LYZL2: variants seen among roughly 807,000 people sequenced by gnomAD.
LYZL2 encodes lysozyme like 2.
In LYZL2, 13 loss-of-function variants were observed where a neutral mutation model predicts 17.1. The ratio of observed to expected loss-of-function variants is 0.76; its 90% CI spans 0.49 to 1.21. LYZL2 has a LOEUF of 1.21. LYZL2 is among the 50% of genes most tolerant of loss of function. The probability of loss-of-function intolerance (pLI) is 0.00; values close to 1 mark genes in which losing one functional copy is unlikely to be tolerated. For missense variants in LYZL2, 166 were observed against 189.2 expected, an observed-to-expected ratio of 0.88 and a Z score of 0.72; for synonymous variants, 63 against 74.4, an observed-to-expected ratio of 0.85 and a Z score of 0.79.
chr10:30,606,848 T>C (rs1242650538), downstream of LYZL2, among the ~76,000 whole-genome samples: 2 of 152,052 alleles, frequency 1.3e-5, no homozygotes, highest in Non-Finnish European at 2.9e-5. Flanking sequence ...TGAAATGTTT[T>C]CTGTTAGTAC....
rs1258901420 is a variant in LYZL2 at position 30,629,683 on chromosome 10, C to A, written c.-116G>T. ...ACTGCTCCACTTAGTCGGTGACAGG[C>A]AGCTCAGGGGAGCGTCCTGCATCCC... On this transcript the variant is annotated 5_prime_UTR_variant, in exon 1 of 5. Transcript: ENST00000647634. The A allele has an allele frequency of 1.9e-6, 3 of 1,613,856 alleles. No individual in the cohort carries two copies. The highest frequency in any genetic ancestry group is 2.5e-6 in the Non-Finnish European group (3 of 1,179,772).
intron 2 of LYZL2, 125 bp from the exon 3 acceptor site, chr10:30,626,388 G>A (rs949499367): frequency 2.7e-6 from 4 of 1,455,022 alleles, no homozygotes; most frequent in African/African-American, 2.8e-5. Context: ...CTTGGGCAGG[G>A]CAGGGCGGGC....
At chr10:30,625,645 C>T (rs183625692) in intron 3 of LYZL2, among the ~76,000 whole-genome samples, 117 of 152,284 alleles carry the variant, frequency 7.7e-4, no homozygotes, top group African/African-American at 2.4e-3. Flanking sequence ...GAACGCACCA[C>T]TACACTCCAG....
intron 1 of LYZL2, among the ~76,000 whole-genome samples, chr10:30,628,538 T>C (rs1354851062): frequency 1.3e-5 from 2 of 152,356 alleles, no homozygotes; most frequent in Admixed American, 1.3e-4. Context: ...TAAAATAATG[T>C]CTTCCCCAAA....
chr10:30,611,570 G>GAAAGAAAGAAA (rs1554784962), downstream of LYZL2, among the ~76,000 whole-genome samples: 192 of 54,080 alleles, frequency 3.6e-3, 2 homozygotes, highest in East Asian at 7.5e-3. Flanking sequence ...AAGGAAGGAA[G>GAAAGAAAGAAA]GAAAGAAAGA....
chr10:30,626,406 CA>C, intron 2 of LYZL2, 143 bp from the exon 3 acceptor site: 1 of 1,364,756 alleles, frequency 7.3e-7, no homozygotes, highest in Non-Finnish European at 9.8e-7. Flanking sequence ...GGCATGTGCC[CA>C]GGGGGCACAC....
At position 30,628,107 on chromosome 10, in the gene LYZL2, C is replaced by T. The variant is rs950552980; in HGVS notation, c.-25-1167G>A. Among the ~76,000 whole-genome samples, 72 of 151,908 alleles carry T rather than the reference C, an allele frequency of 4.7e-4. 1 individual carries two copies. Among genetic ancestry groups the T allele is most frequent in the African/African-American group, 1.4e-3 (60 of 41,424 alleles). Reference sequence around the variant, plus strand: ...CCCAGGAGGCTGAGCTTGCAGTGAGCGGAGATTGCGCCACTGCACTCCAGC... The same window carrying T: ...CCCAGGAGGCTGAGCTTGCAGTGAGTGGAGATTGCGCCACTGCACTCCAGC... On this transcript the variant is annotated intron_variant, in intron 1 of 4. Coordinates refer to ENST00000647634, the MANE Select transcript of LYZL2 (RefSeq NM_183058.3).
chr10:30,622,101 C>A (rs68032173), intron 3 of LYZL2, among the ~76,000 whole-genome samples: 14,714 of 151,414 alleles, frequency 0.097, 920 homozygotes, highest in African/African-American at 0.17. Context: ...ACAGTAACAA[C>A]TAAAAACAAA....
downstream of LYZL2, among the ~76,000 whole-genome samples, chr10:30,611,045 G>A (rs1156636992): frequency 2.0e-5 from 3 of 152,058 alleles, no homozygotes; most frequent in Non-Finnish European, 4.4e-5. Context: ...CCTTCTGCAT[G>A]TGTCCTGTTT....
downstream of LYZL2, among the ~76,000 whole-genome samples, chr10:30,610,044 C>T (rs924834629): frequency 4.6e-5 from 7 of 152,006 alleles, no homozygotes; most frequent in African/African-American, 9.7e-5. Flanking sequence ...CTTTTGACTT[C>T]CCTGGGCCAC....
Position 30,624,309 on chromosome 10 carries a change from G to A in LYZL2, c.298+1796C>T, listed in dbSNP as rs548070925. Among the ~76,000 whole-genome samples the A allele has an allele frequency of 1.5e-4, 23 of 152,290 alleles. 1 individual carries two copies. In the South Asian group the frequency reaches 3.7e-3, roughly 25 times the overall value. ...GGACAGAAGAAGGACACTGAGGTTG[G>A]CATATACATATAATATCTTCCAGCT... On this transcript the variant is annotated intron_variant, in intron 3 of 4. Coordinates refer to ENST00000647634, the MANE Select transcript of LYZL2 (RefSeq NM_183058.3).
At chr10:30,608,451 G>A (rs957158395), downstream of LYZL2, among the ~76,000 whole-genome samples, 2 of 152,178 alleles carry the variant, frequency 1.3e-5, no homozygotes, top group East Asian at 1.9e-4. Flanking sequence ...TTCAGGGGCT[G>A]GCTTAGGGTT....
chr10:30,606,782 G>C (rs1838381639), downstream of LYZL2, among the ~76,000 whole-genome samples: 1 of 152,130 alleles, frequency 6.6e-6, no homozygotes, highest in Non-Finnish European at 1.5e-5. Flanking sequence ...ACCAGGGACA[G>C]AGGACCTGGA....
At chr10:30,626,701 G>A in intron 2 of LYZL2, 76 bp downstream of exon 2, 1 of 1,587,572 alleles carries the variant, frequency 6.3e-7, no homozygotes, top group Non-Finnish European at 8.6e-7. Flanking sequence ...GACACAGCAG[G>A]GAGTGTAGCC....
downstream of LYZL2, among the ~76,000 whole-genome samples, chr10:30,609,922 T>C (rs1268687226): frequency 1.3e-5 from 2 of 152,188 alleles, no homozygotes; most frequent in East Asian, 1.9e-4. Context: ...AGAAATTTTA[T>C]GAGTTTTGCA....
chr10:30,626,665 G>C (rs1838712072), intron 2 of LYZL2, 112 bp downstream of exon 2: 13 of 1,522,682 alleles, frequency 8.5e-6, no homozygotes, highest in Non-Finnish European at 1.2e-5. Flanking sequence ...TGGGTGTGGT[G>C]AGGGCAGAGC....
At chr10:30,622,646 C>G (rs553727037) in intron 3 of LYZL2, among the ~76,000 whole-genome samples, 1 of 152,286 alleles carries the variant, frequency 6.6e-6, no homozygotes, top group Admixed American at 6.5e-5. Context: ...AACCCACAGG[C>G]CAATCTCCCG....
At chr10:30,613,399 AG>A (rs1389188089) in intron 3 of LYZL2, among the ~76,000 whole-genome samples, 1 of 150,824 alleles carries the variant, frequency 6.6e-6, no homozygotes, top group Admixed American at 6.6e-5. Flanking sequence ...TGGGAGTCTG[AG>A]GTGGGAGAAT....
chr10:30,611,613 A>AAGAAAGAAAGAG (rs1205062475), downstream of LYZL2, among the ~76,000 whole-genome samples: 4 of 139,438 alleles, frequency 2.9e-5, no homozygotes, highest in African/African-American at 1.1e-4. Flanking sequence ...GAAAGAAAGA[A>AAGAAAGAAAGAG]AGAGAAAGAA....
Sources: gnomAD v4.1 joint callset for allele counts (sites outside exome capture counted in the v4.1 genomes callset) on GRCh38, gnomAD v4.1.1 for gene constraint, MANE v1.5 for transcripts, NCBI Gene and HGNC (gene_info 2026-07-23, HGNC 2026-07-21) for gene names.